Variants in ERBB4 observed in about 807,000 individuals in gnomAD.
ERBB4 encodes erb-b2 receptor tyrosine kinase 4, also known as receptor tyrosine-protein kinase erbB-4.
Under a neutral mutation model 158.0 loss-of-function variants are expected in ERBB4, and 42 were observed. The observed-to-expected ratio is 0.27, with a 90% CI of 0.21 to 0.34. The LOEUF is 0.34. Among genes scored for constraint, ERBB4 ranks in the 10% least tolerant of loss-of-function variants. The probability of loss-of-function intolerance (pLI) is 1.00; values close to 1 mark genes in which losing one functional copy is unlikely to be tolerated. For synonymous variants in ERBB4, 583 were observed against 558.7 expected (o/e 1.04, Z -0.61); for missense variants, 1,333 against 1,624.1 (o/e 0.82, Z 3.08).
intron 20 of ERBB4, among the ~76,000 whole-genome samples, chr2:211,451,168 G>A (rs1192012751): frequency 6.6e-6 from 1 of 152,194 alleles, no homozygotes; most frequent in African/African-American, 2.4e-5. Flanking sequence ...AAAGAGCAGT[G>A]CAGCAGAAAT....
intron 4 of ERBB4, among the ~76,000 whole-genome samples, chr2:211,766,687 G>T (rs1213084307): frequency 6.6e-6 from 1 of 152,156 alleles, no homozygotes; most frequent in Non-Finnish European, 1.5e-5. Flanking sequence ...TGGTTGTGAG[G>T]CAGGAGAACA....
intron 2 of ERBB4, among the ~76,000 whole-genome samples, chr2:212,098,137 C>G (rs1222556719): frequency 6.6e-6 from 1 of 152,090 alleles, no homozygotes; most frequent in Non-Finnish European, 1.5e-5. Flanking sequence ...TTCACAGAGG[C>G]AGATTTATCT....
At chr2:211,599,551 G>A (rs1486692081) in intron 19 of ERBB4, among the ~76,000 whole-genome samples, 1 of 141,762 alleles carries the variant, frequency 7.1e-6, no homozygotes, top group Non-Finnish European at 1.5e-5. Flanking sequence ...TGTCAAGTTA[G>A]ACAGACTCAG....
intron 4 of ERBB4, among the ~76,000 whole-genome samples, chr2:211,772,406 T>C (rs1173116660): frequency 6.6e-6 from 1 of 152,030 alleles, no homozygotes; most frequent in Non-Finnish European, 1.5e-5. Context: ...AATATGACAA[T>C]TGACATTTCC....
intron 2 of ERBB4, among the ~76,000 whole-genome samples, chr2:212,055,162 G>A (rs2077517146): frequency 1.3e-5 from 2 of 152,170 alleles, no homozygotes; most frequent in South Asian, 4.1e-4. Context: ...TCCGCACCTG[G>A]CTCGGAGGGT....
At chr2:212,316,543 T>C (rs975165272) in intron 1 of ERBB4, among the ~76,000 whole-genome samples, 1 of 151,560 alleles carries the variant, frequency 6.6e-6, no homozygotes, top group Non-Finnish European at 1.5e-5. Flanking sequence ...TGAATTTACT[T>C]TGGAACCCCA....
At chr2:211,871,549 T>C (rs2078346243) in intron 3 of ERBB4, among the ~76,000 whole-genome samples, 1 of 151,642 alleles carries the variant, frequency 6.6e-6, no homozygotes, top group Non-Finnish European at 1.5e-5. Flanking sequence ...ATTCAGACTT[T>C]ATTGTGGGAC....
intron 12 of ERBB4, among the ~76,000 whole-genome samples, chr2:211,685,597 T>G (rs2072532056): frequency 6.6e-6 from 1 of 152,242 alleles, no homozygotes; most frequent in South Asian, 2.1e-4. Context: ...TTGTTTTAGT[T>G]GGACTAACTT....
intron 1 of ERBB4, among the ~76,000 whole-genome samples, chr2:212,505,221 C>T (rs181963225): frequency 6.5e-4 from 99 of 152,196 alleles, no homozygotes; most frequent in East Asian, 2.5e-3. Flanking sequence ...CTCAGCCTCC[C>T]GAGTAGCGGG....
chr2:212,206,259 G>C (rs1394242681), intron 1 of ERBB4, among the ~76,000 whole-genome samples: 1 of 152,152 alleles, frequency 6.6e-6, no homozygotes, highest in Non-Finnish European at 1.5e-5. Flanking sequence ...GTGCTACTTA[G>C]AGGCAGTCAA....
intron 3 of ERBB4, among the ~76,000 whole-genome samples, chr2:211,797,371 A>G (rs2076403768): frequency 6.6e-6 from 1 of 151,900 alleles, no homozygotes; most frequent in African/African-American, 2.4e-5. Context: ...TATCTCACCC[A>G]CTATATTAGT....
At chr2:212,234,582 A>G (rs1434940974) in intron 1 of ERBB4, among the ~76,000 whole-genome samples, 1 of 152,144 alleles carries the variant, frequency 6.6e-6, no homozygotes, top group Non-Finnish European at 1.5e-5. Context: ...TGGTTGAACT[A>G]ATTACACTCC....
intron 3 of ERBB4, among the ~76,000 whole-genome samples, chr2:211,945,030 T>G (rs1401032283): frequency 1.3e-5 from 2 of 152,182 alleles, no homozygotes; most frequent in Non-Finnish European, 2.9e-5. Context: ...TTTTAAAAAC[T>G]CTTGCTTTGT....
In ERBB4 at chr2:211,438,562, C is replaced by CACTATTATAA. The variant is rs536576395; in HGVS notation, c.2488-7472_2488-7463dup. Among the ~76,000 whole-genome samples the CACTATTATAA allele has an allele frequency of 3.0e-4, 45 of 152,220 alleles. 2 individuals are homozygous for CACTATTATAA. In the East Asian group the frequency reaches 8.7e-3, roughly 29 times the overall value. On this transcript the variant is annotated intron_variant, in intron 20 of 27. Coordinates refer to ENST00000342788, the MANE Select transcript of ERBB4 (RefSeq NM_005235.3). ...AAAATTCAGAAAACACGTAAACATT[C>CACTATTATAA]ACTATTATAAGATACCATGTATTTT...
intron 17 of ERBB4, 101 bp downstream of exon 17, chr2:211,630,361 T>G: frequency 7.2e-7 from 1 of 1,381,246 alleles, no homozygotes; most frequent in South Asian, 1.2e-5. Flanking sequence ...ATTAGGACAC[T>G]GAACAGAATT....
intron 19 of ERBB4, among the ~76,000 whole-genome samples, chr2:211,563,356 G>A (rs371052695): frequency 2.9e-4 from 44 of 152,216 alleles, no homozygotes; most frequent in Non-Finnish European, 5.1e-4. Context: ...TATCACCTAC[G>A]TAGTATTCTT....
chr2:211,424,445 G>T, intron 22 of ERBB4, 144 bp from the exon 23 acceptor site: 1 of 636,934 alleles, frequency 1.6e-6, no homozygotes, highest in Non-Finnish European at 2.7e-6. Flanking sequence ...ATAAATTCCT[G>T]CATCCATTAT....
intron 17 of ERBB4, among the ~76,000 whole-genome samples, chr2:211,626,967 AAGTGTGTGTTTATTTAG>A (rs1266703910): frequency 7.2e-4 from 2 of 2,772 alleles, no homozygotes; most frequent in African/African-American, 1.3e-3. Flanking sequence ...AAAAAAAAAA[AAGTGTGTGTTTATTTAG>A]TAAGGAAATG....
At chr2:211,645,124 A>G (rs891101078) in intron 16 of ERBB4, among the ~76,000 whole-genome samples, 11 of 149,668 alleles carry the variant, frequency 7.3e-5, no homozygotes, top group Non-Finnish European at 1.3e-4. Context: ...ATTTGCAAAC[A>G]GTCAAAAACA....
Sources: gnomAD v4.1 joint callset for allele counts (sites outside exome capture counted in the v4.1 genomes callset) on GRCh38, gnomAD v4.1.1 for gene constraint, MANE v1.5 for transcripts, NCBI Gene and HGNC (gene_info 2026-07-23, HGNC 2026-07-21) for gene names.